FN3K: variants seen among roughly 807,000 people sequenced by gnomAD.
The protein encoded by FN3K is fructosamine-3-kinase.
FN3K carries 24 observed loss-of-function variants against 24.8 expected under a neutral mutation model. That is an observed-to-expected ratio of 0.97 (90% confidence interval 0.70 to 1.36). FN3K has a LOEUF of 1.36. Among genes scored for constraint, FN3K ranks in the 40% most tolerant of loss-of-function variants. The pLI is 0.00. For missense variants in FN3K, 449 were observed against 416.7 expected (o/e 1.08, Z -0.67); for synonymous variants, 192 against 175.2 (o/e 1.10, Z -0.76).
Position 82,735,952 on chromosome 17 carries a change from T to C in FN3K, c.141+175T>C. ...CTCAAGCGTTCTGTGAAGGTTTGTG[T>C]CTGCACGATCCGTGACCTTCCTTTG... On this transcript the variant is annotated intron_variant, in intron 1 of 5. Transcript: ENST00000300784. 3.7e-6 allele frequency: 3 copies of C among 816,336 alleles called. No individual in the cohort carries two copies. The East Asian group carries it at 8.5e-5, about 23-fold the overall frequency. 50.6% of individuals were successfully genotyped at this position (816,336 alleles called of 1,614,324 possible). A position where few individuals can be genotyped will look rare whatever the true frequency, so the allele number is the denominator to read the frequency against.
In FN3K at chr17:82,748,858, AATGAGTGGCAGG is replaced by A. The variant is rs756651879; in HGVS notation, c.477_488del (p.Glu159_Asp162del). On this transcript the variant is annotated inframe_deletion, in exon 5 of 6. Transcript: ENST00000300784. ...CCTCTTTTCCCTTGTTGTCCAGGTG[AATGAGTGGCAGG>A]ATGACTGGCCGACCTTTTTCGCCCG... is the stretch of plus-strand genomic sequence containing the variant. 1.3e-4 allele frequency: 209 copies of A among 1,612,438 alleles called. 1 individual carries two copies. Among genetic ancestry groups the A allele is most frequent in the Admixed American group, 5.5e-4 (33 of 59,982 alleles).
In FN3K at chr17:82,750,778, TGTCCCC is replaced by T. The variant is rs540591761; in HGVS notation, c.*33_*38del. The T allele has an allele frequency of 6.4e-4, 991 of 1,551,850 alleles. 7 individuals are homozygous for T. The highest frequency in any genetic ancestry group is 4.5e-3 in the South Asian group (399 of 89,042). ...TAGCGGCCCCTGCCCTCCCTTCCCC[TGTCCCC>T]GTCCCCGTCTCCGTCTCCCCGTCCC... On this transcript the variant is annotated 3_prime_UTR_variant, in exon 6 of 6. Transcript: ENST00000300784.
intron 4 of FN3K, among the ~76,000 whole-genome samples, chr17:82,747,242 T>C (rs1189299427): frequency 6.6e-6 from 1 of 152,258 alleles, no homozygotes; most frequent in Non-Finnish European, 1.5e-5. Context: ...CCCCAAGTAC[T>C]GCTTTAGTGG....
chr17:82,744,770 G>C (rs937565222), intron 4 of FN3K, among the ~76,000 whole-genome samples: 2 of 152,200 alleles, frequency 1.3e-5, no homozygotes, highest in Non-Finnish European at 2.9e-5. Context: ...AGTGGGGAGA[G>C]GGTCAGCAGA....
Position 82,743,812 on chromosome 17 carries a change from G to A in FN3K, c.468+2419G>A, listed in dbSNP as rs530474881. ...GGCTTCGACCCTCAGTCTGGCTTCA[G>A]ACCACAGGCCCTGACCATGACGCAG... is the stretch of plus-strand genomic sequence containing the variant. On this transcript the variant is annotated intron_variant, in intron 4 of 5. Coordinates refer to ENST00000300784, the MANE Select transcript of FN3K (RefSeq NM_022158.4). Among the ~76,000 whole-genome samples, 50 of 152,356 alleles carry A rather than the reference G, an allele frequency of 3.3e-4. No homozygotes were observed. The South Asian group carries it at 0.01, about 32-fold the overall frequency.
In FN3K at chr17:82,750,829, CCTGTGCCCCCGT is replaced by C. The variant is rs2047019948; in HGVS notation, c.*76_*87del. 2 of 1,229,056 alleles carry C rather than the reference CCTGTGCCCCCGT, an allele frequency of 1.6e-6. No homozygotes were observed. Among genetic ancestry groups the C allele is most frequent in the Non-Finnish European group, 2.2e-6 (2 of 893,104 alleles). The allele number at this position is 1,229,056 out of a possible 1,614,324, so 76.1% of individuals were successfully genotyped here. On this transcript the variant is annotated 3_prime_UTR_variant, in exon 6 of 6. Coordinates refer to ENST00000300784, the MANE Select transcript of FN3K (RefSeq NM_022158.4). ...CGTCCCTGTCCCCCCGTCCCCCGTCCCTGTGCCCCCGTCCCTGTCCCCCTGTTCCCGTCTCCC... is the reference window on the plus strand; with the variant it reads ...CGTCCCTGTCCCCCCGTCCCCCGTCCCCCTGTCCCCCTGTTCCCGTCTCCC...
chr17:82,748,460 T>G (rs1688825904), intron 4 of FN3K, among the ~76,000 whole-genome samples: 1 of 152,056 alleles, frequency 6.6e-6, no homozygotes, highest in African/African-American at 2.4e-5. Flanking sequence ...CAGCTTTCTT[T>G]TGACTAGTGT....
rs1356025500 is a variant in FN3K at position 82,750,376 on chromosome 17, C to T, written c.592-41C>T. The T allele has an allele frequency of 1.9e-6, 3 of 1,556,194 alleles. No individual in the cohort carries two copies. In the East Asian group the frequency reaches 6.7e-5, roughly 35 times the overall value. Reference sequence around the variant, plus strand: ...CAAGAACGAGGTGATGAGACCGGGGCTCCCAGAGGCCAGCGATAACTGCAG... The same window carrying T: ...CAAGAACGAGGTGATGAGACCGGGGTTCCCAGAGGCCAGCGATAACTGCAG... On this transcript the variant is annotated intron_variant, in intron 5 of 5. Transcript: ENST00000300784.
At chr17:82,746,566 C>T (rs1274766209) in intron 4 of FN3K, among the ~76,000 whole-genome samples, 1 of 151,906 alleles carries the variant, frequency 6.6e-6, no homozygotes, top group Non-Finnish European at 1.5e-5. Context: ...TTTCGGAGGC[C>T]GAGGTGGGCA....
chr17:82,741,666 A>G, intron 4 of FN3K: 1 of 435,938 alleles, frequency 2.3e-6, no homozygotes, highest in Non-Finnish European at 4.3e-6. Context: ...AAGGCTCCTG[A>G]TGAGTCTGAG....
rs1381409719 is a variant in FN3K at position 82,750,460 on chromosome 17, C to T, written c.635C>T (p.Ala212Val). The T allele has an allele frequency of 2.5e-6, 4 of 1,614,158 alleles. No homozygotes were observed. The highest frequency in any genetic ancestry group is 1.7e-6 in the Non-Finnish European group (2 of 1,180,020). ...DLFCGLEIVP[A>V]LLHGDLWSGN... ...TTTTGTGGCCTAGAGATTGTCCCCG[C>T]GTTGCTCCACGGGGATCTCTGGTCG... Residue 212 changes from alanine (A) to valine (V), a missense_variant, in exon 6 of 6, where the codon GCG becomes GTG. Physicochemically the swap from Ala to Val is moderately conservative, Grantham distance 64. Transcript: ENST00000300784.
At chr17:82,738,944 ATATT>A (rs1295882984) in intron 2 of FN3K, among the ~76,000 whole-genome samples, 4,002 of 82,890 alleles carry the variant, frequency 0.048, 161 homozygotes, top group East Asian at 0.12. Context: ...ATATATATAT[ATATT>A]TTTTTTTTTT....
intron 5 of FN3K, 88 bp from the exon 6 acceptor site, chr17:82,750,329 C>T: frequency 2.5e-6 from 3 of 1,195,610 alleles, no homozygotes; most frequent in Non-Finnish European, 2.5e-6. Flanking sequence ...AAGCAGATCG[C>T]GAGTGGGCTT....
chr17:82,749,033 C>A, intron 5 of FN3K, 56 bp downstream of exon 5: 4 of 1,611,516 alleles, frequency 2.5e-6, no homozygotes, highest in Non-Finnish European at 3.4e-6. Context: ...GATCCCGCCG[C>A]ATTTGTGCGG....
rs753203686 is a variant in FN3K, at chr17:82,750,554, G to C, written c.729G>C (p.Glu243Asp). Residue 243 changes from glutamate to aspartate, a missense_variant, in exon 6 of 6, where the codon GAG (glutamate) becomes GAC (aspartate). Physicochemically the swap from Glu to Asp is conservative, Grantham distance 45. Coordinates refer to ENST00000300784, the MANE Select transcript of FN3K (RefSeq NM_022158.4). Reference sequence around the variant, plus strand: ...CGGCTTCCTTCTATGGCCATTCCGAGTTTGAACTGGCAATCGCCTTGATGT... The same window carrying C: ...CGGCTTCCTTCTATGGCCATTCCGACTTTGAACTGGCAATCGCCTTGATGT... ...YDPASFYGHSEFELAIALMFG... is the reference protein window; with the variant it reads ...YDPASFYGHSDFELAIALMFG... 3.1e-6 allele frequency: 5 copies of C among 1,614,156 alleles called. No homozygotes were observed. The South Asian group carries it at 3.3e-5, about 11-fold the overall frequency.
chr17:82,744,597 A>G lies in FN3K; in HGVS notation c.468+3204A>G, dbSNP rs187333177. ...CGTTAGGTAGAACGAGAGACTTGGA[A>G]AAGAAAAAGACACAGAGACAAAGTA... On this transcript the variant is annotated intron_variant, in intron 4 of 5. Transcript: ENST00000300784. Among the ~76,000 whole-genome samples the G allele has an allele frequency of 4.0e-4, 56 of 141,672 alleles. No individual in the cohort carries two copies. The East Asian group carries it at 6.5e-3, about 16-fold the overall frequency. The allele number at this position is 141,672 out of a possible 152,430, so 92.9% of individuals were successfully genotyped here. A position where few individuals can be genotyped will look rare whatever the true frequency, so the allele number is the denominator to read the frequency against.
chr17:82,739,412 G>A (rs979773505), intron 2 of FN3K, among the ~76,000 whole-genome samples: 11 of 147,000 alleles, frequency 7.5e-5, no homozygotes, highest in African/African-American at 2.8e-4. Flanking sequence ...TCTCAGCCTC[G>A]CGAGTGGCTG....
chr17:82,746,705 A>G (rs1209548490), intron 4 of FN3K, among the ~76,000 whole-genome samples: 1 of 152,116 alleles, frequency 6.6e-6, no homozygotes, highest in Non-Finnish European at 1.5e-5. Flanking sequence ...CGAAAGGCTG[A>G]GGCAGGAGAA....
chr17:82,740,973 T>G, intron 3 of FN3K, 119 bp downstream of exon 3: 1 of 722,742 alleles, frequency 1.4e-6, no homozygotes, highest in Non-Finnish European at 2.5e-6. Context: ...CCGTCTGTCT[T>G]TACACTACAT....
Sources: gnomAD v4.1 joint callset for allele counts (sites outside exome capture counted in the v4.1 genomes callset) on GRCh38, gnomAD v4.1.1 for gene constraint, MANE v1.5 for transcripts, NCBI Gene and HGNC (gene_info 2026-07-23, HGNC 2026-07-21) for gene names.